NEBL: variants seen among roughly 807,000 people sequenced by gnomAD.
NEBL encodes the protein nebulette.
A neutral mutation model predicts 140.2 loss-of-function variants in NEBL; 122 were observed. That is an observed-to-expected ratio of 0.87 (90% CI 0.75 to 1.01). NEBL has a LOEUF of 1.01. Ranked by LOEUF, NEBL falls within the 50% of genes least tolerant of loss-of-function variation. The pLI, the probability that NEBL is intolerant of heterozygous loss-of-function variation, is 0.00. For synonymous variants in NEBL, 436 were observed against 398.9 expected (o/e 1.09, Z -1.11); for missense variants, 1,365 against 1,231.3 (o/e 1.11, Z -1.62).
At chr10:21,143,275 C>G (rs575812631) in intron 2 of NEBL, among the ~76,000 whole-genome samples, 1 of 151,770 alleles carries the variant, frequency 6.6e-6, no homozygotes, top group African/African-American at 2.4e-5. Context: ...ATGGCGAAAC[C>G]CTGTCTCTCC....
At chr10:21,288,382 C>A (rs1843089657) in intron 1 of NEBL, among the ~76,000 whole-genome samples, 1 of 151,856 alleles carries the variant, frequency 6.6e-6, no homozygotes, top group Admixed American at 6.6e-5. Flanking sequence ...GCAGGAGAAT[C>A]ACTTGAACCC....
intron 4 of NEBL, among the ~76,000 whole-genome samples, chr10:20,942,428 A>T (rs1834922520): frequency 1.3e-5 from 2 of 152,230 alleles, no homozygotes; most frequent in Admixed American, 1.3e-4. Flanking sequence ...CACCTTATAC[A>T]AAAATTAATT....
Position 21,207,891 on chromosome 10 carries a change from G to A in NEBL, n.349-35414C>T, listed in dbSNP as rs547773699. Among the ~76,000 whole-genome samples, 18 of 152,274 alleles carry A rather than the reference G, an allele frequency of 1.2e-4. No homozygotes were observed. The South Asian group carries it at 2.3e-3, about 19-fold the overall frequency. On this transcript the variant is annotated intron_variant and non_coding_transcript_variant, in intron 3 of 8. Transcript: ENST00000675702. ...GATTCTTAACTTGGAACGTAGGCCC[G>A]AAGCAGTCTCTCTTATGACAGATAC...
At chr10:21,034,310 A>T (rs1833928997) in intron 2 of NEBL, among the ~76,000 whole-genome samples, 1 of 152,120 alleles carries the variant, frequency 6.6e-6, no homozygotes, top group African/African-American at 2.4e-5. Context: ...GTGGAAAACT[A>T]ATAATTAACA....
chr10:20,918,503 A>G (rs1038525823), intron 4 of NEBL, among the ~76,000 whole-genome samples: 2 of 152,214 alleles, frequency 1.3e-5, no homozygotes, highest in South Asian at 4.1e-4. Context: ...ATTAAATAGG[A>G]TAATATACTT....
At chr10:20,891,093 G>A (rs1035257175) in intron 2 of NEBL, among the ~76,000 whole-genome samples, 1 of 152,138 alleles carries the variant, frequency 6.6e-6, no homozygotes, top group African/African-American at 2.4e-5. Context: ...ATGGTACATG[G>A]AGATTTTCCC....
intron 3 of NEBL, among the ~76,000 whole-genome samples, chr10:21,007,554 T>C (rs1292279254): frequency 6.6e-6 from 1 of 152,212 alleles, no homozygotes; most frequent in African/African-American, 2.4e-5. Context: ...ATTTCATACA[T>C]TATCACCCTT....
At position 20,789,188 on chromosome 10, in the gene NEBL, T is replaced by C. The variant is rs1835700900; in HGVS notation, c.2762-1880A>G. On this transcript the variant is annotated intron_variant, in intron 26 of 27. Transcript: ENST00000377122. ...CCTGCATACTCCAGACTGTTAGTCTTGCACTGGTTTTTAACCATTTAAACA... is the reference window on the plus strand; with the variant it reads ...CCTGCATACTCCAGACTGTTAGTCTCGCACTGGTTTTTAACCATTTAAACA... Among the ~76,000 whole-genome samples, 6 of 152,224 alleles carry C rather than the reference T, an allele frequency of 3.9e-5. No homozygotes were observed. In the South Asian group the frequency reaches 1.2e-3, roughly 32 times the overall value.
At chr10:21,042,323 C>T (rs1834309790) in intron 2 of NEBL, among the ~76,000 whole-genome samples, 3 of 152,198 alleles carry the variant, frequency 2.0e-5, no homozygotes. Flanking sequence ...CTAACACAGG[C>T]TTGTCTACCA....
chr10:21,016,093 C>T (rs1258428452), intron 3 of NEBL, among the ~76,000 whole-genome samples: 1 of 152,264 alleles, frequency 6.6e-6, no homozygotes, highest in African/African-American at 2.4e-5. Context: ...TCTAACCACT[C>T]TTCATGCTAT....
chr10:21,153,551 C>T (rs528050149), intron 2 of NEBL, among the ~76,000 whole-genome samples: 32 of 151,178 alleles, frequency 2.1e-4, no homozygotes, highest in African/African-American at 7.3e-4. Flanking sequence ...AATTTTGAGA[C>T]GGAGTCTCAC....
At chr10:21,019,209 T>C (rs1838682268) in intron 3 of NEBL, among the ~76,000 whole-genome samples, 1 of 152,244 alleles carries the variant, frequency 6.6e-6, no homozygotes, top group African/African-American at 2.4e-5. Flanking sequence ...CTTTTTGAAA[T>C]GCTTTCACAC....
chr10:20,847,729 T>C (rs958144545), intron 11 of NEBL, among the ~76,000 whole-genome samples: 2 of 152,148 alleles, frequency 1.3e-5, no homozygotes, highest in Admixed American at 1.3e-4. Flanking sequence ...TTTTGATCCC[T>C]GTCTCTTTCA....
At chr10:21,186,047 T>G (rs940891414) in intron 3 of NEBL, among the ~76,000 whole-genome samples, 14 of 152,212 alleles carry the variant, frequency 9.2e-5, no homozygotes, top group African/African-American at 3.4e-4. Context: ...TGGTTTCATT[T>G]CCATTTGTAC....
chr10:21,166,219 CAAAAAAAAAAAAAAA>C (rs1170225891), intron 2 of NEBL, among the ~76,000 whole-genome samples: 2 of 35,376 alleles, frequency 5.7e-5, no homozygotes, highest in African/African-American at 8.3e-5. Flanking sequence ...GACTGTGTCT[CAAAAAAAAAAAAAAA>C]AAAAAAAAAA....
At chr10:21,122,021 G>T (rs985433508) in intron 2 of NEBL, among the ~76,000 whole-genome samples, 2 of 151,686 alleles carry the variant, frequency 1.3e-5, no homozygotes, top group African/African-American at 4.8e-5. Context: ...TGTTGTTGTT[G>T]TTGTTGTTGT....
Position 20,785,475 on chromosome 10 carries a change from G to T in NEBL, c.*272C>A. The T allele has an allele frequency of 2.1e-6, 1 of 482,146 alleles. No individual in the cohort carries two copies. The highest frequency in any genetic ancestry group is 3.3e-5 in the Admixed American group (1 of 30,196). 29.9% of individuals were successfully genotyped at this position (482,146 alleles called of 1,614,324 possible). ...GTCTACAAAAATACATTTCCCAGAA[G>T]GGTTCAATAGCCAATCAAAGGAAAC... On this transcript the variant is annotated 3_prime_UTR_variant, in exon 28 of 28. Transcript: ENST00000377122.
intron 3 of NEBL, among the ~76,000 whole-genome samples, chr10:21,183,687 G>C (rs893100225): frequency 2.0e-5 from 3 of 152,186 alleles, no homozygotes; most frequent in Non-Finnish European, 4.4e-5. Flanking sequence ...AATGGCTTAA[G>C]CTCCTGGGAA....
intron 2 of NEBL, among the ~76,000 whole-genome samples, chr10:21,153,488 C>T (rs1840220956): frequency 6.6e-6 from 1 of 151,342 alleles, no homozygotes; most frequent in African/African-American, 2.4e-5. Context: ...CACCACTACA[C>T]CTGGCTAATT....
Sources: allele counts gnomAD v4.1 joint callset (sites outside exome capture counted in the v4.1 genomes callset), GRCh38; gene constraint gnomAD v4.1.1; transcripts MANE v1.5; gene names NCBI Gene and HGNC (gene_info 2026-07-23, HGNC 2026-07-21).